The following KCNK10 variants were observed in gnomAD, a reference collection of about 807,000 sequenced individuals.
KCNK10 encodes potassium two pore domain channel subfamily K member 10, also known as potassium channel subfamily K member 10.
Under a neutral mutation model 47.7 loss-of-function variants are expected in KCNK10, and 25 were observed. The ratio of observed to expected loss-of-function variants is 0.52; its 90% CI spans 0.38 to 0.73. The LOEUF is 0.73. Ranked by LOEUF, KCNK10 falls within the 30% of genes least tolerant of loss-of-function variation. The probability of loss-of-function intolerance (pLI) is 0.00; values close to 1 mark genes in which losing one functional copy is unlikely to be tolerated. For synonymous variants in KCNK10, 303 were observed against 285.6 expected, an observed-to-expected ratio of 1.06 and a Z score of -0.61; for missense variants, 563 against 714.5, an observed-to-expected ratio of 0.79 and a Z score of 2.42.
At chr14:88,250,117 G>T in intron 2 of KCNK10, among the ~76,000 whole-genome samples, 1 of 152,098 alleles carries the variant, frequency 6.6e-6, no homozygotes, top group Non-Finnish European at 1.5e-5. Context: ...ATTTTTATGG[G>T]AGTTTTTTTA....
rs919799166 is a variant in KCNK10, at chr14:88,186,678, T to C, written c.1012-523A>G. On this transcript the variant is annotated intron_variant, in intron 6 of 6. Coordinates refer to ENST00000319231, the MANE Select transcript of KCNK10 (RefSeq NM_138317.3). This position sits in a 1 kb window ranked among gnomAD's most constrained non-coding sequence, Gnocchi z 5.5. ...CAACTTGTTCCAGTTTGCCTGAGGCTGTCCCAGTTTTAAAACAGAGTCCTG... is the reference window on the plus strand; with the variant it reads ...CAACTTGTTCCAGTTTGCCTGAGGCCGTCCCAGTTTTAAAACAGAGTCCTG... Among the ~76,000 whole-genome samples, 6 of 152,188 alleles carry C rather than the reference T, an allele frequency of 3.9e-5. No individual in the cohort carries two copies. The highest frequency in any genetic ancestry group is 1.2e-4 in the African/African-American group (5 of 41,448).
upstream of KCNK10, chr14:88,326,630 G>A: frequency 1.7e-6 from 1 of 595,796 alleles, no homozygotes. Flanking sequence ...CCCAGCAGGA[G>A]ACCCGGGCTG....
chr14:88,212,649 C>T (rs529321557), intron 4 of KCNK10, among the ~76,000 whole-genome samples: 24 of 152,226 alleles, frequency 1.6e-4, no homozygotes, highest in African/African-American at 5.5e-4. Context: ...ACACCTCAGG[C>T]TCCTAGGGGT....
In KCNK10 at chr14:88,191,692, G is replaced by A. The variant is rs189869331; in HGVS notation, c.868+532C>T. ...GTATATACACTCCTGCATAATCCAT[G>A]AGCTTATATTCCCTCTGGGCAGTTC... On this transcript the variant is annotated intron_variant, in intron 5 of 6. Coordinates refer to ENST00000319231, the MANE Select transcript of KCNK10 (RefSeq NM_138317.3). Among the ~76,000 whole-genome samples the A allele has an allele frequency of 2.9e-3, 437 of 152,002 alleles. 2 individuals are homozygous for A. Among genetic ancestry groups the A allele is most frequent in the Non-Finnish European group, 5.0e-3 (339 of 67,998 alleles).
At chr14:88,325,842 C>T (rs186418802), upstream of KCNK10, among the ~76,000 whole-genome samples, 1 of 152,114 alleles carries the variant, frequency 6.6e-6, no homozygotes, top group Non-Finnish European at 1.5e-5. Flanking sequence ...TTGAGCATCA[C>T]TTGTGTACAA....
chr14:88,315,654 A>C (rs1172162331), intron 1 of KCNK10, among the ~76,000 whole-genome samples: 2 of 152,158 alleles, frequency 1.3e-5, no homozygotes, highest in Admixed American at 1.3e-4. Context: ...GCTAGCTTGC[A>C]TGTCAAAATT....
chr14:88,248,646 T>C (rs1886707567), intron 2 of KCNK10, among the ~76,000 whole-genome samples: 1 of 151,922 alleles, frequency 6.6e-6, no homozygotes, highest in African/African-American at 2.4e-5. Context: ...GGAGGATCGT[T>C]GGAGCCCAGG....
intron 1 of KCNK10, among the ~76,000 whole-genome samples, chr14:88,299,742 G>A (rs1052503013): frequency 1.3e-5 from 2 of 151,970 alleles, no homozygotes; most frequent in Non-Finnish European, 2.9e-5. Flanking sequence ...AGATTTAAGG[G>A]GTTAAATTTA....
chr14:88,258,852 C>T (rs12898155), intron 2 of KCNK10, among the ~76,000 whole-genome samples: 4 of 152,180 alleles, frequency 2.6e-5, no homozygotes, highest in Middle Eastern at 3.4e-3. Context: ...GTAAGAGCTA[C>T]GGCTCTTCTA....
intron 2 of KCNK10, among the ~76,000 whole-genome samples, chr14:88,259,738 T>C (rs1887057476): frequency 6.6e-6 from 1 of 152,218 alleles, no homozygotes. Flanking sequence ...ATTACCAGCA[T>C]GAACCACCAC....
Position 88,180,527 on chromosome 14 carries a change from T to G in KCNK10, c.*5008A>C, listed in dbSNP as rs1884310822. 2 of 321,312 alleles carry G rather than the reference T, an allele frequency of 6.2e-6. No individual in the cohort carries two copies. The highest frequency in any genetic ancestry group is 4.9e-5 in the Admixed American group (1 of 20,276). The allele number at this position is 321,312 out of a possible 1,614,324, so 19.9% of individuals were successfully genotyped here. A position where few individuals can be genotyped will look rare whatever the true frequency, so the allele number is the denominator to read the frequency against. Reference sequence around the variant, plus strand: ...CCGCAGTTACCTTCTGCAGCATAGGTCTGCTGAATCGACGGAGCAGGAGTC... The same window carrying G: ...CCGCAGTTACCTTCTGCAGCATAGGGCTGCTGAATCGACGGAGCAGGAGTC... On this transcript the variant is annotated 3_prime_UTR_variant, in exon 7 of 7. Transcript: ENST00000319231.
intron 2 of KCNK10, among the ~76,000 whole-genome samples, chr14:88,262,238 G>A (rs531987496): frequency 2.0e-5 from 3 of 152,134 alleles, no homozygotes; most frequent in South Asian, 2.1e-4. Context: ...AAATGTCACC[G>A]CCTTCCACCA....
chr14:88,303,722 G>A (rs986231284), intron 1 of KCNK10, among the ~76,000 whole-genome samples: 10 of 152,278 alleles, frequency 6.6e-5, no homozygotes, highest in Middle Eastern at 3.4e-3. Context: ...ACTGGTGGGT[G>A]CAGATGCAGG....
chr14:88,314,918 C>T (rs1040354362), intron 1 of KCNK10, among the ~76,000 whole-genome samples: 11 of 152,300 alleles, frequency 7.2e-5, no homozygotes, highest in Admixed American at 5.2e-4. Context: ...AAAAATGAAG[C>T]AATGTTCCCA....
intron 2 of KCNK10, among the ~76,000 whole-genome samples, chr14:88,245,957 AC>A (rs1886625906): frequency 6.6e-6 from 1 of 152,220 alleles, no homozygotes; most frequent in African/African-American, 2.4e-5. Flanking sequence ...GGCTGCGTCC[AC>A]CACGTTCTTA....
At chr14:88,321,012 C>T (rs1595136971) in intron 1 of KCNK10, among the ~76,000 whole-genome samples, 1 of 152,170 alleles carries the variant, frequency 6.6e-6, no homozygotes, top group East Asian at 1.9e-4. Flanking sequence ...CAAAAGAAAG[C>T]CAAGGCATAC....
At chr14:88,244,778 C>G (rs1456224529) in intron 2 of KCNK10, among the ~76,000 whole-genome samples, 1 of 152,128 alleles carries the variant, frequency 6.6e-6, no homozygotes, top group Admixed American at 6.5e-5. Flanking sequence ...GAGCTCGGAA[C>G]AGTTTAGCTC....
At chr14:88,210,344 T>C (rs1266556112) in intron 4 of KCNK10, among the ~76,000 whole-genome samples, 1 of 152,220 alleles carries the variant, frequency 6.6e-6, no homozygotes, top group Non-Finnish European at 1.5e-5. Context: ...GAAAGGACTA[T>C]CCCTTGTTTA....
chr14:88,193,132 G>A (rs1884804014), intron 4 of KCNK10, among the ~76,000 whole-genome samples: 1 of 152,216 alleles, frequency 6.6e-6, no homozygotes, highest in South Asian at 2.1e-4. Context: ...TAGCATAACA[G>A]GGTCCCCGTC....
Sources: gnomAD v4.1 joint callset for allele counts (sites outside exome capture counted in the v4.1 genomes callset) on GRCh38, gnomAD v4.1.1 for gene constraint, Gnocchi (gnomAD v3.1) non-coding constraint, MANE v1.5 for transcripts, NCBI Gene and HGNC (gene_info 2026-07-23, HGNC 2026-07-21) for gene names.